The following TULP4 variants were observed in gnomAD, a reference collection of about 807,000 sequenced individuals.
The protein encoded by TULP4 is tubby-related protein 4.
A neutral mutation model predicts 129.0 loss-of-function variants in TULP4; 16 were observed. That is an observed-to-expected ratio of 0.12 (90% CI 0.08 to 0.19). The LOEUF (loss-of-function observed/expected upper bound fraction) is 0.19, where lower values mean the gene tolerates loss of function less well. Among genes scored for constraint, TULP4 ranks in the 10% least tolerant of loss-of-function variants. TULP4 has a pLI of 1.00. For missense variants in TULP4, 1,842 were observed against 2,059.1 expected (o/e 0.89, Z 2.04); for synonymous variants, 998 against 854.0 (o/e 1.17, Z -2.94).
At chr6:158,372,206 C>CA (rs1209322960) in intron 1 of TULP4, among the ~76,000 whole-genome samples, 4 of 85,024 alleles carry the variant, frequency 4.7e-5, no homozygotes, top group Middle Eastern at 8.8e-3. Flanking sequence ...TGGGTGACTT[C>CA]AAAAAAAACA....
intron 1 of TULP4, among the ~76,000 whole-genome samples, chr6:158,266,845 A>T (rs893499538): frequency 6.6e-6 from 1 of 152,148 alleles, no homozygotes; most frequent in African/African-American, 2.4e-5. Flanking sequence ...TTGAGGGACA[A>T]CGGTATAATT....
At chr6:158,239,246 C>T (rs1777798604) in intron 1 of TULP4, among the ~76,000 whole-genome samples, 1 of 74,064 alleles carries the variant, frequency 1.4e-5, no homozygotes, top group Non-Finnish European at 3.0e-5. Flanking sequence ...GACCCCCCCA[C>T]CTCCCTCCCG....
At position 158,502,721 on chromosome 6, in the gene TULP4, G is replaced by C. The variant is rs750371896; in HGVS notation, c.3058G>C (p.Gly1020Arg). 1.4e-5 allele frequency: 22 copies of C among 1,561,514 alleles called. No individual in the cohort carries two copies. The highest frequency in any genetic ancestry group is 1.8e-5 in the Non-Finnish European group (21 of 1,157,904). ...CCTGGCCAAGTCCAAGGGCGGGCCC[G>C]GGGGGGTGGTGACACAGCTCCCAGC... ...QPLAKSKGGP[G>R]GVVTQLPARP... is the part of the protein sequence containing the mutation. Residue 1020 changes from glycine (G) to arginine (R), a missense_variant, in exon 13 of 14, where the codon GGG (glycine) becomes CGG (arginine). This residue lies in a region of TULP4 where 1,089 missense variants were observed against 987.1 expected (regional missense o/e 1.10). Coordinates refer to ENST00000367097, the MANE Select transcript of TULP4 (RefSeq NM_020245.5).
intron 4 of TULP4, among the ~76,000 whole-genome samples, chr6:158,451,164 A>T (rs1395271592): frequency 6.6e-6 from 1 of 152,232 alleles, no homozygotes; most frequent in Admixed American, 6.5e-5. Context: ...ATCCAAGAAC[A>T]GAATTCAGTC....
Position 158,412,931 on chromosome 6 carries a change from A to T in TULP4, c.253-134A>T, listed in dbSNP as rs975259487. The T allele has an allele frequency of 2.4e-6, 3 of 1,275,634 alleles. No individual in the cohort carries two copies. The African/African-American group carries it at 4.5e-5, about 19-fold the overall frequency. 79.0% of individuals were successfully genotyped at this position (1,275,634 alleles called of 1,614,324 possible). A position where few individuals can be genotyped will look rare whatever the true frequency, so the allele number is the denominator to read the frequency against. ...TGAGCTCTGTCTGTTCCCTGCCCTG[A>T]TCCCTGCATTCGCCCCCAGTCTTCT... is the stretch of plus-strand genomic sequence containing the variant. On this transcript the variant is annotated intron_variant, in intron 1 of 13. Coordinates refer to ENST00000367097, the MANE Select transcript of TULP4 (RefSeq NM_020245.5).
intron 1 of TULP4, among the ~76,000 whole-genome samples, chr6:158,320,808 A>G (rs1376022598): frequency 6.6e-6 from 1 of 152,154 alleles, no homozygotes; most frequent in Non-Finnish European, 1.5e-5. Flanking sequence ...TAAGGACACG[A>G]CTACTGTAGC....
chr6:158,387,673 G>C (rs955479660), intron 1 of TULP4, among the ~76,000 whole-genome samples: 1 of 152,054 alleles, frequency 6.6e-6, no homozygotes, highest in African/African-American at 2.4e-5. Flanking sequence ...TTGCATGTGC[G>C]TGCACACACA....
At chr6:158,496,882 C>CT (rs1394876476) in intron 11 of TULP4, among the ~76,000 whole-genome samples, 1 of 152,168 alleles carries the variant, frequency 6.6e-6, no homozygotes, top group Non-Finnish European at 1.5e-5. Context: ...GGGCCTGGCT[C>CT]TGTCACCCAT....
Position 158,260,875 on chromosome 6 carries a change from CA to C in TULP4, n.68+28574del, listed in dbSNP as rs1562497948. ...CGCTCTTGTTGCCCAGGCTGGAGTG[CA>C]ATGGCGCAATCTCGGCTCACTGCAA... On this transcript the variant is annotated intron_variant and non_coding_transcript_variant, in intron 1 of 1. Transcript: ENST00000620026. Among the ~76,000 whole-genome samples the C allele has an allele frequency of 4.0e-5, 6 of 151,382 alleles. No individual in the cohort carries two copies. In the South Asian group the frequency reaches 1.3e-3, roughly 32 times the overall value.
chr6:158,331,714 CACA>C, intron 1 of TULP4, among the ~76,000 whole-genome samples: 2 of 25,386 alleles, frequency 7.9e-5, no homozygotes, highest in South Asian at 2.4e-3. Flanking sequence ...CACACACACA[CACA>C]CACACACACA....
chr6:158,332,519 T>C (rs1189281534), intron 1 of TULP4, among the ~76,000 whole-genome samples: 1 of 152,018 alleles, frequency 6.6e-6, no homozygotes, highest in Non-Finnish European at 1.5e-5. Flanking sequence ...GAATGGCCCA[T>C]GCAGGGGATG....
intron 3 of TULP4, among the ~76,000 whole-genome samples, chr6:158,433,706 CAAA>C (rs1562564493): frequency 6.6e-6 from 1 of 151,800 alleles, no homozygotes; most frequent in Non-Finnish European, 1.5e-5. Context: ...AACTCTGTCT[CAAA>C]AAAAAGTTAT....
chr6:158,303,598 C>G (rs1779164764), intron 1 of TULP4, among the ~76,000 whole-genome samples: 2 of 152,282 alleles, frequency 1.3e-5, no homozygotes, highest in South Asian at 4.2e-4. Flanking sequence ...AAAAGCAGAA[C>G]TACTGGTAAG....
At chr6:158,239,453 G>GC (rs1562490361) in intron 1 of TULP4, among the ~76,000 whole-genome samples, 41 of 62,686 alleles carry the variant, frequency 6.5e-4, no homozygotes, top group African/African-American at 1.4e-3. Flanking sequence ...GGCTGGCCGG[G>GC]TGGGGGGCTG....
intron 5 of TULP4, among the ~76,000 whole-genome samples, chr6:158,455,933 A>C (rs1338452801): frequency 1.3e-5 from 2 of 152,164 alleles, no homozygotes; most frequent in East Asian, 3.9e-4. Context: ...AAGGCATAGA[A>C]ATGTATTAAT....
At chr6:158,417,327 A>C (rs984573714) in intron 2 of TULP4, among the ~76,000 whole-genome samples, 1 of 152,226 alleles carries the variant, frequency 6.6e-6, no homozygotes, top group Non-Finnish European at 1.5e-5. Context: ...GAAAGGGAGA[A>C]TGAGTTCAGC....
chr6:158,371,212 G>A (rs1207168179), intron 1 of TULP4, among the ~76,000 whole-genome samples: 5 of 152,212 alleles, frequency 3.3e-5, no homozygotes, highest in African/African-American at 1.2e-4. Context: ...AGGAGAGTGA[G>A]AGGTTTGAGT....
intron 1 of TULP4, chr6:158,242,385 CT>C: frequency 6.7e-7 from 1 of 1,488,706 alleles, no homozygotes; most frequent in Non-Finnish European, 9.4e-7. Flanking sequence ...GTTTGTTTTC[CT>C]CTCCTCATCA....
chr6:158,453,485 C>CAAAAAAAAAAAAAAAAAAAAAAAAAAA, intron 5 of TULP4, among the ~76,000 whole-genome samples: 1 of 17,982 alleles, frequency 5.6e-5, no homozygotes, highest in African/African-American at 2.1e-4. Flanking sequence ...CTCTGTCTCA[C>CAAAAAAAAAAAAAAAAAAAAAAAAAAA]AAAAAAAAAA....
Sources: allele counts gnomAD v4.1 joint callset (sites outside exome capture counted in the v4.1 genomes callset), GRCh38; gene constraint gnomAD v4.1.1; regional missense constraint gnomAD v4.1.1; transcripts MANE v1.5; gene names NCBI Gene and HGNC (gene_info 2026-07-23, HGNC 2026-07-21).